The following ENOSF1 variants were observed in gnomAD, a reference collection of about 807,000 sequenced individuals.
ENOSF1 encodes enolase superfamily member 1, also known as mitochondrial enolase superfamily member 1.
In ENOSF1, 73 loss-of-function variants were observed where a neutral mutation model predicts 68.2. The observed-to-expected ratio is 1.07, with a 90% confidence interval of 0.89 to 1.30. The LOEUF (loss-of-function observed/expected upper bound fraction) is 1.30, where lower values mean the gene tolerates loss of function less well. Ranked by LOEUF, ENOSF1 falls within the 50% of genes most tolerant of loss-of-function variation. The pLI is 0.00. For synonymous variants in ENOSF1, 223 were observed against 210.4 expected (o/e 1.06, Z -0.52); for missense variants, 589 against 554.5 (o/e 1.06, Z -0.62).
chr18:683,287 T>C lies in ENOSF1; in HGVS notation c.835A>G (p.Thr279Ala), dbSNP rs146518307. Residue 279 changes from threonine to alanine, a missense_variant, in exon 11 of 16, where the codon ACC becomes GCC. By Grantham distance (58) the Thr-to-Ala change is moderately conservative. Transcript: ENST00000647584. ...TGCCCCAGAATGTCATCAGGGGAGG[T>C]TGGCTCCTCAATCCACAATGGCTTG... The part of the protein sequence containing the change: ...KFKPLWIEEP[T>A]SPDDILGHAT... 40 of 1,613,568 alleles carry C rather than the reference T, an allele frequency of 2.5e-5. No homozygotes were observed. Among genetic ancestry groups the C allele is most frequent in the South Asian group, 9.9e-5 (9 of 91,030 alleles).
At position 712,604 on chromosome 18, in the gene ENOSF1, G is replaced by A. The variant is rs572340530; in HGVS notation, c.-17C>T. On this transcript the variant is annotated 5_prime_UTR_variant, in exon 1 of 16. Transcript: ENST00000647584. ...GCGCACCATGGCCCCTGCGCCCCGT[G>A]GCCGCGGCCCCCGTGCGGTCAGGAC... The A allele has an allele frequency of 5.2e-6, 8 of 1,529,516 alleles. No homozygotes were observed. Among genetic ancestry groups the A allele is most frequent in the Non-Finnish European group, 7.0e-6 (8 of 1,143,652 alleles). The allele number at this position is 1,529,516 out of a possible 1,614,324, so 94.7% of individuals were successfully genotyped here. A position where few individuals can be genotyped will look rare whatever the true frequency, so the allele number is the denominator to read the frequency against.
intron 14 of ENOSF1, chr18:675,619 G>A (rs902199300): frequency 1.8e-6 from 1 of 555,840 alleles, no homozygotes; most frequent in Non-Finnish European, 3.2e-6. Flanking sequence ...TTGATGACAT[G>A]AACACACGAA....
intron 15 of ENOSF1, 106 bp from the exon 16 acceptor site, chr18:674,512 G>A (rs1342181251): frequency 5.6e-6 from 4 of 712,018 alleles, no homozygotes; most frequent in South Asian, 3.9e-5. Flanking sequence ...TAAGCCAGAG[G>A]CAATTAATTA....
chr18:668,374 T>C (rs909882840), downstream of ENOSF1, among the ~76,000 whole-genome samples: 3 of 152,176 alleles, frequency 2.0e-5, no homozygotes, highest in African/African-American at 7.2e-5. Context: ...AGCTCTGCAC[T>C]TCAGTTAACA....
downstream of ENOSF1, chr18:668,931 T>C (rs2074920101): frequency 6.6e-6 from 4 of 603,804 alleles, no homozygotes; most frequent in Non-Finnish European, 1.1e-5. Context: ...CTGCAAACTT[T>C]GCAGGATGCA....
Position 694,235 on chromosome 18 carries a change from T to A in ENOSF1, c.396+13A>T. 2 of 1,613,548 alleles carry A rather than the reference T, an allele frequency of 1.2e-6. No homozygotes were observed. Among genetic ancestry groups the A allele is most frequent in the South Asian group, 1.1e-5 (1 of 90,940 alleles). ...CTCCCAGGAGCCTCCTGAGCGTTTG[T>A]GAGAGGGGTTACCTTTCCCTCCTGC... On this transcript the variant is annotated intron_variant, in intron 4 of 15. Coordinates refer to ENST00000647584, the MANE Select transcript of ENOSF1 (RefSeq NM_017512.7).
chr18:706,273 T>A (rs1237296386), intron 2 of ENOSF1, among the ~76,000 whole-genome samples, 197 bp downstream of exon 2: 2 of 151,744 alleles, frequency 1.3e-5, no homozygotes, highest in Non-Finnish European at 2.9e-5. Flanking sequence ...GAGGCCAAAT[T>A]CTGTCACTTT....
chr18:706,549 A>G lies in ENOSF1; in HGVS notation c.114T>C (p.Tyr38=). The G allele has an allele frequency of 6.2e-7, 1 of 1,613,924 alleles. No homozygotes were observed. The highest frequency in any genetic ancestry group is 1.1e-5 in the South Asian group (1 of 91,060). ...MHTDPDYSAA[Y]VVIETDAEDG... is the part of the protein sequence containing the mutation. ...CTTCTGCATCAGTTTCTATGACGACATAGGCAGCCGAGTAGTCAGGGTCCG... is the reference window on the plus strand; with the variant it reads ...CTTCTGCATCAGTTTCTATGACGACGTAGGCAGCCGAGTAGTCAGGGTCCG... Residue 38 remains tyrosine, a synonymous_variant, in exon 2 of 16, where the codon TAT becomes TAC. Transcript: ENST00000647584.
At chr18:678,219 T>C (rs1450218823) in intron 12 of ENOSF1, 1 of 297,974 alleles carries the variant, frequency 3.4e-6, no homozygotes, top group Non-Finnish European at 6.3e-6. Flanking sequence ...GTGGCACAGA[T>C]GACAACACGG....
downstream of ENOSF1, among the ~76,000 whole-genome samples, chr18:669,732 AAGC>A (rs1482499401): frequency 2.0e-4 from 31 of 151,704 alleles, 1 homozygote; most frequent in African/African-American, 7.3e-4. Flanking sequence ...TTTTAAATGG[AAGC>A]AGATGAAGTT....
In ENOSF1 at chr18:672,004, T is replaced by A. The variant is rs1172568752; in HGVS notation, c.*2301A>T. 1.3e-5 allele frequency: 2 copies of A among 152,572 alleles called. No homozygotes were observed. Among genetic ancestry groups the A allele is most frequent in the African/African-American group, 4.8e-5 (2 of 41,444 alleles). 9.5% of individuals were successfully genotyped at this position (152,572 alleles called of 1,614,324 possible). A position where few individuals can be genotyped will look rare whatever the true frequency, so the allele number is the denominator to read the frequency against. ...CATGTTGGCCAGGCTAGTCTCAAACTCCTGACTTCAAGTGATCCACCTGCC... is the reference window on the plus strand; with the variant it reads ...CATGTTGGCCAGGCTAGTCTCAAACACCTGACTTCAAGTGATCCACCTGCC... On this transcript the variant is annotated 3_prime_UTR_variant, in exon 16 of 16. Coordinates refer to ENST00000647584, the MANE Select transcript of ENOSF1 (RefSeq NM_017512.7).
chr18:686,041 C>A (rs371142339), intron 9 of ENOSF1, 33 bp from the exon 10 acceptor site: 1 of 1,532,140 alleles, frequency 6.5e-7, no homozygotes, highest in Non-Finnish European at 9.0e-7. Flanking sequence ...TAGTTTAGAC[C>A]TGTACCTGGA....
At chr18:690,411 C>A (rs1568072012) in intron 8 of ENOSF1, 138 bp downstream of exon 8, 2 of 900,196 alleles carry the variant, frequency 2.2e-6, no homozygotes, top group South Asian at 1.5e-5. Flanking sequence ...AAGTGGAGAA[C>A]TGGTTGGCGT....
At chr18:701,518 G>GC in intron 2 of ENOSF1, among the ~76,000 whole-genome samples, 1 of 152,170 alleles carries the variant, frequency 6.6e-6, no homozygotes, top group Non-Finnish European at 1.5e-5. Context: ...ACTTTGGGAG[G>GC]TCAAGGCGGG....
intron 2 of ENOSF1, among the ~76,000 whole-genome samples, chr18:703,768 A>T (rs2078625130): frequency 6.6e-6 from 1 of 152,126 alleles, no homozygotes; most frequent in Non-Finnish European, 1.5e-5. Flanking sequence ...CACAAATTTC[A>T]TGTTGAAGTG....
intron 8 of ENOSF1, among the ~76,000 whole-genome samples, chr18:689,565 A>T (rs1409538998): frequency 6.6e-6 from 1 of 152,226 alleles, no homozygotes; most frequent in Non-Finnish European, 1.5e-5. Context: ...TATAGGCGTG[A>T]GCCACTGCCC....
chr18:685,274 G>C (rs2076508341), intron 10 of ENOSF1, among the ~76,000 whole-genome samples: 1 of 151,606 alleles, frequency 6.6e-6, no homozygotes, highest in South Asian at 2.1e-4. Flanking sequence ...CAAAGTGCTA[G>C]GATTACAGGC....
downstream of ENOSF1, among the ~76,000 whole-genome samples, chr18:668,784 T>TG (rs2074913974): frequency 6.6e-6 from 1 of 151,986 alleles, no homozygotes; most frequent in Non-Finnish European, 1.5e-5. Context: ...GGGTTAGCTA[T>TG]GGGGGGAACA....
chr18:669,277 T>C (rs1598473919), downstream of ENOSF1: 2 of 853,542 alleles, frequency 2.3e-6, no homozygotes, highest in African/African-American at 4.1e-5. Context: ...CCTGGGAACT[T>C]CCCCCAGCCA....
Sources: allele counts gnomAD v4.1 joint callset (sites outside exome capture counted in the v4.1 genomes callset), GRCh38; gene constraint gnomAD v4.1.1; transcripts MANE v1.5; gene names NCBI Gene and HGNC (gene_info 2026-07-23, HGNC 2026-07-21).